ZNF804B: variants seen among roughly 807,000 people sequenced by gnomAD.
The protein encoded by ZNF804B is zinc finger protein 804B.
In ZNF804B, 80 loss-of-function variants were observed where a neutral mutation model predicts 101.4. The ratio of observed to expected loss-of-function variants is 0.79; its 90% CI spans 0.66 to 0.95. The LOEUF is 0.95. Ranked by LOEUF, ZNF804B falls within the 40% of genes least tolerant of loss-of-function variation. ZNF804B has a pLI of 0.00. For synonymous variants in ZNF804B, 622 were observed against 558.8 expected (o/e 1.11, Z -1.59); for missense variants, 1,673 against 1,561.9 (o/e 1.07, Z -1.20).
At chr7:89,215,197 A>G (rs1279103982) in intron 1 of ZNF804B, among the ~76,000 whole-genome samples, 1 of 152,212 alleles carries the variant, frequency 6.6e-6, no homozygotes, top group Non-Finnish European at 1.5e-5. Flanking sequence ...ATGAAGCAAG[A>G]AATGTGATAT....
intron 1 of ZNF804B, among the ~76,000 whole-genome samples, chr7:89,030,779 A>G (rs1234260920): frequency 6.6e-6 from 1 of 152,138 alleles, no homozygotes; most frequent in African/African-American, 2.4e-5. Flanking sequence ...TTCACTTAGC[A>G]CATAATAAAG....
intron 1 of ZNF804B, among the ~76,000 whole-genome samples, chr7:89,101,917 T>C (rs1370919111): frequency 6.6e-6 from 1 of 151,954 alleles, no homozygotes; most frequent in Non-Finnish European, 1.5e-5. Flanking sequence ...TATCTACATG[T>C]GTGCCCTTTG....
intron 1 of ZNF804B, among the ~76,000 whole-genome samples, chr7:89,108,727 G>T (rs187647270): frequency 2.0e-5 from 3 of 152,220 alleles, no homozygotes; most frequent in Admixed American, 2.0e-4. Context: ...GAGACAAATT[G>T]CAAGGGAACA....
At chr7:88,869,837 G>T (rs919913380) in intron 1 of ZNF804B, among the ~76,000 whole-genome samples, 1 of 152,132 alleles carries the variant, frequency 6.6e-6, no homozygotes, top group African/African-American at 2.4e-5. Flanking sequence ...TTCCCAAGGA[G>T]GACAAGCAAG....
intron 1 of ZNF804B, among the ~76,000 whole-genome samples, chr7:89,163,845 TC>T: frequency 6.6e-6 from 1 of 152,126 alleles, no homozygotes; most frequent in Middle Eastern, 3.4e-3. Flanking sequence ...AGATCTATTT[TC>T]CTCTTCTCTC....
intron 1 of ZNF804B, among the ~76,000 whole-genome samples, chr7:89,078,021 A>G (rs577924893): frequency 2.0e-5 from 3 of 152,140 alleles, no homozygotes; most frequent in Non-Finnish European, 4.4e-5. Context: ...TAAGAGCAAT[A>G]CTGTAAAGGC....
intron 1 of ZNF804B, among the ~76,000 whole-genome samples, chr7:88,768,616 G>C (rs367915638): frequency 1.3e-5 from 2 of 152,188 alleles, no homozygotes; most frequent in Non-Finnish European, 2.9e-5. Flanking sequence ...TACTCAGGAG[G>C]CTGAGGCCGG....
chr7:88,923,451 A>G (rs1284331159), intron 1 of ZNF804B, among the ~76,000 whole-genome samples: 2 of 152,150 alleles, frequency 1.3e-5, no homozygotes, highest in Non-Finnish European at 2.9e-5. Context: ...TTTGTCATCC[A>G]ATTAAAATTT....
chr7:89,220,830 G>C (rs1788994202), intron 2 of ZNF804B, among the ~76,000 whole-genome samples: 1 of 151,776 alleles, frequency 6.6e-6, no homozygotes, highest in South Asian at 2.1e-4. Context: ...TTAATCTATA[G>C]GTTTTTCCAT....
chr7:89,222,082 A>AT (rs1342493263), intron 2 of ZNF804B, among the ~76,000 whole-genome samples: 4 of 152,008 alleles, frequency 2.6e-5, no homozygotes, highest in Non-Finnish European at 5.9e-5. Context: ...TAAAGACTGA[A>AT]TAGAAGCTAA....
intron 1 of ZNF804B, among the ~76,000 whole-genome samples, chr7:89,193,348 C>T (rs1405657217): frequency 5.3e-5 from 8 of 149,658 alleles, no homozygotes; most frequent in Admixed American, 2.7e-4. Context: ...TTTTAGGGTA[C>T]GTGTGCACAA....
intron 1 of ZNF804B, among the ~76,000 whole-genome samples, chr7:89,113,658 A>C (rs751734330): frequency 7.2e-5 from 11 of 152,154 alleles, no homozygotes; most frequent in Non-Finnish European, 7.3e-5. Context: ...TCAAAATTGA[A>C]AGGTAAAAAA....
intron 2 of ZNF804B, among the ~76,000 whole-genome samples, chr7:89,290,043 C>T (rs529299986): frequency 1.8e-4 from 27 of 152,224 alleles, no homozygotes; most frequent in East Asian, 1.2e-3. Flanking sequence ...GATTGGACAC[C>T]GGTCAGGATT....
At chr7:88,987,864 C>T (rs1243890495) in intron 1 of ZNF804B, among the ~76,000 whole-genome samples, 4 of 151,942 alleles carry the variant, frequency 2.6e-5, no homozygotes, top group African/African-American at 9.7e-5. Flanking sequence ...TTCGTTGTAA[C>T]TGTATTTTTG....
At chr7:89,275,585 T>C (rs1360165550) in intron 2 of ZNF804B, among the ~76,000 whole-genome samples, 2 of 151,916 alleles carry the variant, frequency 1.3e-5, no homozygotes, top group African/African-American at 2.4e-5. Context: ...GCCACAGATA[T>C]CTACACAGTT....
chr7:89,176,561 CTTT>C (rs1250220039), intron 1 of ZNF804B, among the ~76,000 whole-genome samples: 1 of 58,680 alleles, frequency 1.7e-5, no homozygotes, highest in Non-Finnish European at 3.9e-5. Context: ...GGTTTTCTTT[CTTT>C]TCTTTTTTTT....
intron 1 of ZNF804B, among the ~76,000 whole-genome samples, chr7:88,908,568 G>A (rs954246556): frequency 3.3e-5 from 5 of 151,728 alleles, no homozygotes; most frequent in Non-Finnish European, 7.4e-5. Context: ...ATATTTGCAA[G>A]AACTTGAGAG....
At chr7:88,855,323 G>C (rs1371797572) in intron 1 of ZNF804B, among the ~76,000 whole-genome samples, 1 of 150,686 alleles carries the variant, frequency 6.6e-6, no homozygotes, top group Non-Finnish European at 1.5e-5. Flanking sequence ...GTATCTCATT[G>C]TGGTTTTGAT....
chr7:89,062,366 C>A (rs892711699), intron 1 of ZNF804B, among the ~76,000 whole-genome samples: 1 of 152,042 alleles, frequency 6.6e-6, no homozygotes, highest in Non-Finnish European at 1.5e-5. Flanking sequence ...CCCATTTTTA[C>A]CACTCCCAAA....
Sources: allele counts gnomAD v4.1 joint callset (sites outside exome capture counted in the v4.1 genomes callset), GRCh38; gene constraint gnomAD v4.1.1; transcripts MANE v1.5; gene names NCBI Gene and HGNC (gene_info 2026-07-23, HGNC 2026-07-21).